Variants in PRB2 observed in about 807,000 individuals in gnomAD.
The protein encoded by PRB2 is proline rich protein BstNI subfamily 2, also known as basic salivary proline-rich protein 2.
Under a neutral mutation model 8.3 loss-of-function variants are expected in PRB2, and 12 were observed. The ratio of observed to expected loss-of-function variants is 1.45; its 90% confidence interval spans 0.93 to 2.35. PRB2 has a LOEUF of 2.35. PRB2 is among the 30% of genes most tolerant of loss of function. The pLI, the probability that PRB2 is intolerant of heterozygous loss-of-function variation, is 0.00. For missense variants in PRB2, 470 were observed against 507.0 expected, an observed-to-expected ratio of 0.93 and a Z score of 0.70; for synonymous variants, 146 against 180.0, an observed-to-expected ratio of 0.81 and a Z score of 1.51.
At position 11,391,681 on chromosome 12, in the gene PRB2, A is replaced by G. The variant is rs957873228; in HGVS notation, c.*34-33T>C. The stretch of plus-strand genomic sequence containing the variant: ...AAACAAACAAGGAAGTTCATAGACC[A>G]GACTTGACATGGCAGGAAATGTCGA... On this transcript the variant is annotated intron_variant, in intron 3 of 3. Coordinates refer to ENST00000389362, the MANE Select transcript of PRB2 (RefSeq NM_006248.4). 23 of 422,870 alleles carry G rather than the reference A, an allele frequency of 5.4e-5. 5 individuals are homozygous for G. Among genetic ancestry groups the G allele is most frequent in the African/African-American group, 4.5e-4 (21 of 46,278 alleles). The allele number at this position is 422,870 out of a possible 1,614,324, so 26.2% of individuals were successfully genotyped here. A position where few individuals can be genotyped will look rare whatever the true frequency, so the allele number is the denominator to read the frequency against.
chr12:11,394,101 C>T (rs565497421), intron 2 of PRB2, 124 bp from the exon 3 acceptor site: 739 of 1,318,306 alleles, frequency 5.6e-4, no homozygotes, highest in Non-Finnish European at 7.3e-4. Flanking sequence ...AAAATGAGAC[C>T]AAGACATTAA....
At chr12:11,394,301 T>A (rs1215484093) in intron 2 of PRB2, among the ~76,000 whole-genome samples, 194 bp downstream of exon 2, 2 of 152,180 alleles carry the variant, frequency 1.3e-5, no homozygotes, top group African/African-American at 2.4e-5. Flanking sequence ...AAGCCAAGCA[T>A]CTCTGCCGTT....
Position 11,393,577 on chromosome 12 carries a change from G to C in PRB2, c.501C>G (p.Asp167Glu), listed in dbSNP as rs1225884378. Reference sequence around the variant, plus strand: ...GAGATCGAGAACTTCGGGACTTGTTGTCTCCTTGTGGGGGTGGTCCTTGTG... The same window carrying C: ...GAGATCGAGAACTTCGGGACTTGTTCTCTCCTTGTGGGGGTGGTCCTTGTG... The part of the protein sequence containing the change: ...GKPQGPPPQG[D>E]NKSRSSRSPP... Residue 167 changes from aspartate to glutamate, a missense_variant, in exon 3 of 4, where the codon GAC becomes GAG. Physicochemically the swap from Asp to Glu is conservative, Grantham distance 45. Transcript: ENST00000389362. 1.0e-5 allele frequency: 16 copies of C among 1,593,862 alleles called. No individual in the cohort carries two copies. The highest frequency in any genetic ancestry group is 1.7e-5 in the Admixed American group (1 of 58,196).
chr12:11,394,919 A>G (rs1864387176), intron 1 of PRB2, among the ~76,000 whole-genome samples: 1 of 152,122 alleles, frequency 6.6e-6, no homozygotes, highest in Admixed American at 6.5e-5. Flanking sequence ...TCATTTCAAT[A>G]CAATCTTACC....
In PRB2 at chr12:11,393,896, G is replaced by C. The variant is rs772447348; in HGVS notation, c.182C>G (p.Pro61Arg). 6.7e-6 allele frequency: 10 copies of C among 1,497,118 alleles called. No individual in the cohort carries two copies. Among genetic ancestry groups the C allele is most frequent in the Non-Finnish European group, 9.0e-6 (10 of 1,110,148 alleles). 92.7% of individuals were successfully genotyped at this position (1,497,118 alleles called of 1,614,324 possible). A position where few individuals can be genotyped will look rare whatever the true frequency, so the allele number is the denominator to read the frequency against. The change falls in exon 3 of 4, where the codon CCC becomes CGC. Residue 61 changes from proline to arginine, a missense_variant. By Grantham distance (103) the Pro-to-Arg change is moderately radical (BLOSUM62 -2). Coordinates refer to ENST00000389362, the MANE Select transcript of PRB2 (RefSeq NM_006248.4). ...TTGAGGCTGGTTGCCTCCTTGTGGGGGTGGTCCTTGTGGCTTTCCTGGAGG... is the reference window on the plus strand; with the variant it reads ...TTGAGGCTGGTTGCCTCCTTGTGGGCGTGGTCCTTGTGGCTTTCCTGGAGG... ...PSPPGKPQGPPPQGGNQPQGP... is the reference protein window; with the variant it reads ...PSPPGKPQGPRPQGGNQPQGP...
chr12:11,394,196 G>T (rs1030927609), intron 2 of PRB2, among the ~76,000 whole-genome samples: 1 of 152,160 alleles, frequency 6.6e-6, no homozygotes, highest in African/African-American at 2.4e-5. Flanking sequence ...TCATTATAAA[G>T]AGGAGACAGA....
intron 1 of PRB2, 52 bp downstream of exon 1, chr12:11,395,414 A>C (rs1864394001): frequency 2.2e-5 from 36 of 1,608,284 alleles, no homozygotes; most frequent in Non-Finnish European, 3.1e-5. Context: ...TACCATTATC[A>C]CCTCCTAAGC....
chr12:11,394,250 C>T (rs182729921), intron 2 of PRB2, among the ~76,000 whole-genome samples: 62 of 152,236 alleles, frequency 4.1e-4, no homozygotes, highest in Admixed American at 1.8e-3. Flanking sequence ...AGCAGGCACT[C>T]CTGGCCAGGG....
At chr12:11,392,000 T>A (rs1352306718) in intron 3 of PRB2, among the ~76,000 whole-genome samples, 1 of 95,770 alleles carries the variant, frequency 1.0e-5, no homozygotes, top group Non-Finnish European at 2.0e-5. Flanking sequence ...CACAGATTGG[T>A]TAAAGAAATC....
chr12:11,395,213 G>A lies in PRB2; in HGVS notation c.64+253C>T, dbSNP rs570604804. Among the ~76,000 whole-genome samples, 1,348 of 151,818 alleles carry A rather than the reference G, an allele frequency of 8.9e-3. 24 individuals carry two copies. The highest frequency in any genetic ancestry group is 0.031 in the African/African-American group (1,278 of 41,272). ...TGCATTCTCTACTGCATCCTTCACA[G>A]CACAGTTCTATCTATAAATGCAAAT... On this transcript the variant is annotated intron_variant, in intron 1 of 3. Transcript: ENST00000389362.
chr12:11,394,897 A>G (rs946425346), intron 1 of PRB2, among the ~76,000 whole-genome samples: 1 of 152,154 alleles, frequency 6.6e-6, no homozygotes, highest in Non-Finnish European at 1.5e-5. Flanking sequence ...CAATTGGGGT[A>G]ACCAGAAGTA....
rs755713521 is a variant in PRB2, at chr12:11,393,366, G to T, written c.712C>A (p.Pro238Thr). ...GDNKSQSARS[P>T]PGKPQGPPPQ... ...GGTGGTCCTTGTGGCTTTCCTGGAG[G>T]AGATCGGGCACTTTGGGACTTGTTG... is the stretch of plus-strand genomic sequence containing the variant. Residue 238 changes from proline to threonine, a missense_variant, in exon 3 of 4, where the codon CCT (proline) becomes ACT (threonine). Pro to Thr is a conservative substitution (Grantham distance 38). Transcript: ENST00000389362. 2.5e-6 allele frequency: 4 copies of T among 1,594,352 alleles called. 1 individual carries two copies. The highest frequency in any genetic ancestry group is 3.4e-6 in the Non-Finnish European group (4 of 1,176,120).
Position 11,392,876 on chromosome 12 carries a change from C to G in PRB2, c.1202G>C (p.Gly401Ala). 1.1e-5 allele frequency: 18 copies of G among 1,588,778 alleles called. No individual in the cohort carries two copies. The highest frequency in any genetic ancestry group is 1.5e-5 in the Non-Finnish European group (18 of 1,171,172). ...PQAPPAGQPQ[G>A]PPRPPQGGRP... is the part of the protein sequence containing the mutation. ...GCCCCCTTGAGGAGGGCGTGGTGGT[C>G]CCTGGGGCTGTCCAGCAGGAGGTGC... The change falls in exon 3 of 4, where the codon GGA becomes GCA. Residue 401 changes from glycine (G) to alanine (A), a missense_variant. Around this residue, in one of 4 missense-constraint regions of PRB2, gnomAD observed 17 missense variants for 38.3 expected, o/e 0.44. Transcript: ENST00000389362.
Position 11,391,561 on chromosome 12 carries a change from G to C in PRB2, c.*121C>G, listed in dbSNP as rs1468968433. ...GAAATTGCAAGCTAATTATTTTATT[G>C]GTATACAGAAGTTAGAGCTATGATG... On this transcript the variant is annotated 3_prime_UTR_variant, in exon 4 of 4. Coordinates refer to ENST00000389362, the MANE Select transcript of PRB2 (RefSeq NM_006248.4). The C allele has an allele frequency of 2.6e-6, 1 of 385,388 alleles. No homozygotes were observed. Among genetic ancestry groups the C allele is most frequent in the Non-Finnish European group, 5.1e-6 (1 of 196,324 alleles). 23.9% of individuals were successfully genotyped at this position (385,388 alleles called of 1,614,324 possible). A position where few individuals can be genotyped will look rare whatever the true frequency, so the allele number is the denominator to read the frequency against.
chr12:11,394,646 C>G, intron 1 of PRB2, 116 bp from the exon 2 acceptor site: 2 of 1,326,996 alleles, frequency 1.5e-6, no homozygotes, highest in Non-Finnish European at 2.2e-6. Flanking sequence ...CCTAAGTTAA[C>G]TCATCAGCCA....
chr12:11,393,222 G>A lies in PRB2; in HGVS notation c.856C>T (p.Pro286Ser). The change falls in exon 3 of 4, where the codon CCA becomes TCA. Residue 286 changes from proline to serine, a missense_variant. Transcript: ENST00000389362. The stretch of plus-strand genomic sequence containing the variant: ...GACTTGCTGCCTCCTTGTGGGGGTG[G>A]TCCTTGTGGCTTTCCTGGAGGTGGG... ...GPPPPGKPQG[P>S]PPQGGSKSRS... The A allele has an allele frequency of 6.8e-7, 1 of 1,468,788 alleles. No individual in the cohort carries two copies. The highest frequency in any genetic ancestry group is 1.7e-5 in the African/African-American group (1 of 58,668). The allele number at this position is 1,468,788 out of a possible 1,614,324, so 91.0% of individuals were successfully genotyped here. A position where few individuals can be genotyped will look rare whatever the true frequency, so the allele number is the denominator to read the frequency against.
intron 2 of PRB2, 132 bp from the exon 3 acceptor site, chr12:11,394,109 T>A: frequency 3.9e-6 from 5 of 1,291,306 alleles, no homozygotes; most frequent in Non-Finnish European, 5.5e-6. Context: ...ACCAAGACAT[T>A]AATTTCTTTG....
chr12:11,394,959 C>T (rs554240916), intron 1 of PRB2, among the ~76,000 whole-genome samples: 86 of 152,064 alleles, frequency 5.7e-4, no homozygotes, highest in African/African-American at 1.9e-3. Context: ...TGAAATACTG[C>T]GTGTAAGGGA....
chr12:11,394,269 T>A (rs928700435), intron 2 of PRB2, among the ~76,000 whole-genome samples: 4 of 152,154 alleles, frequency 2.6e-5, no homozygotes, highest in Non-Finnish European at 5.9e-5. Context: ...GGGGATGAGG[T>A]AACCCACTCC....
Sources: gnomAD v4.1 joint callset for allele counts (sites outside exome capture counted in the v4.1 genomes callset) on GRCh38, gnomAD v4.1.1 for gene constraint, gnomAD v4.1.1 regional missense constraint, MANE v1.5 for transcripts, NCBI Gene and HGNC (gene_info 2026-07-23, HGNC 2026-07-21) for gene names.